Variants in MZB1 observed in about 807,000 individuals in gnomAD.
The protein encoded by MZB1 is marginal zone B and B1 cell specific protein.
A neutral mutation model predicts 17.2 loss-of-function variants in MZB1; 10 were observed. The observed-to-expected ratio is 0.58, with a 90% CI of 0.36 to 0.98. The LOEUF (loss-of-function observed/expected upper bound fraction) is 0.98, where lower values mean the gene tolerates loss of function less well. Ranked by LOEUF, MZB1 falls within the 50% of genes least tolerant of loss-of-function variation. MZB1 has a pLI of 0.01. For missense variants in MZB1, 246 were observed against 237.5 expected, an observed-to-expected ratio of 1.04 and a Z score of -0.23; for synonymous variants, 99 against 98.7, an observed-to-expected ratio of 1.00 and a Z score of -0.02.
chr5:139,387,928 G>C lies in MZB1; in HGVS notation c.414-7C>G, dbSNP rs769736199. 3 of 1,575,792 alleles carry C rather than the reference G, an allele frequency of 1.9e-6. No individual in the cohort carries two copies. The South Asian group carries it at 3.5e-5, about 19-fold the overall frequency. ...CAAACATGTCCTGGAGAGCCTAGGGGAGCCCAGCAGGAGCCTCAGATGCTG... is the reference window on the plus strand; with the variant it reads ...CAAACATGTCCTGGAGAGCCTAGGGCAGCCCAGCAGGAGCCTCAGATGCTG... On this transcript the variant is annotated splice_region_variant and splice_polypyrimidine_tract_variant and intron_variant, in intron 3 of 3. Coordinates refer to ENST00000302125, the MANE Select transcript of MZB1 (RefSeq NM_016459.4).
intron 1 of MZB1, 194 bp from the exon 2 acceptor site, chr5:139,388,779 G>T: frequency 1.1e-6 from 1 of 887,338 alleles, no homozygotes; most frequent in Non-Finnish European, 1.6e-6. Flanking sequence ...TGGGGGATGG[G>T]AAAGAAATGC....
At chr5:139,388,634 T>C (rs781560669) in intron 1 of MZB1, 49 bp from the exon 2 acceptor site, 2 of 1,591,154 alleles carry the variant, frequency 1.3e-6, no homozygotes, top group Non-Finnish European at 1.7e-6. Flanking sequence ...TGCTGCTCAG[T>C]TAGGGGGAGG....
In MZB1 at chr5:139,387,705, C is replaced by A. The variant is rs1044070973; in HGVS notation, c.*60G>T. The A allele has an allele frequency of 6.8e-7, 1 of 1,470,640 alleles. No individual in the cohort carries two copies. The highest frequency in any genetic ancestry group is 9.0e-7 in the Non-Finnish European group (1 of 1,113,482). 91.1% of individuals were successfully genotyped at this position (1,470,640 alleles called of 1,614,324 possible). A position where few individuals can be genotyped will look rare whatever the true frequency, so the allele number is the denominator to read the frequency against. On this transcript the variant is annotated 3_prime_UTR_variant, in exon 4 of 4. Coordinates refer to ENST00000302125, the MANE Select transcript of MZB1 (RefSeq NM_016459.4). Reference sequence around the variant, plus strand: ...TCCTGCCCTCCTGGCTGCCTGCAGACGGGAGTGGAGACCGTCAGAGCAAGC... The same window carrying A: ...TCCTGCCCTCCTGGCTGCCTGCAGAAGGGAGTGGAGACCGTCAGAGCAAGC...
chr5:139,389,605 A>C, intron 1 of MZB1, 75 bp downstream of exon 1: 1 of 1,491,594 alleles, frequency 6.7e-7, no homozygotes, highest in Non-Finnish European at 9.1e-7. Flanking sequence ...CCGGTGGTGG[A>C]ATGTGAGGTG....
chr5:139,389,516 TG>T, intron 1 of MZB1, 163 bp downstream of exon 1: 1 of 880,644 alleles, frequency 1.1e-6, no homozygotes, highest in East Asian at 2.6e-5. Context: ...GGCAGGCAGA[TG>T]GGTAAACTGA....
chr5:139,387,476 A>T lies in MZB1; in HGVS notation c.*289T>A. On this transcript the variant is annotated 3_prime_UTR_variant, in exon 4 of 4. Transcript: ENST00000302125. ...TCTCAAAAAAAAAAAATTGATTTTG[A>T]GAGTTTTTTTTTTTTTTTCACAAGG... 8.6e-6 allele frequency: 2 copies of T among 232,246 alleles called. No homozygotes were observed. Among genetic ancestry groups the T allele is most frequent in the Non-Finnish European group, 8.2e-6 (1 of 122,100 alleles). The allele number at this position is 232,246 out of a possible 1,614,324, so 14.4% of individuals were successfully genotyped here. A position where few individuals can be genotyped will look rare whatever the true frequency, so the allele number is the denominator to read the frequency against.
chr5:139,389,183 T>C (rs1275819448), intron 1 of MZB1: 2 of 304,260 alleles, frequency 6.6e-6, no homozygotes, highest in African/African-American at 2.2e-5. Flanking sequence ...GCACGTGCCA[T>C]TTTAAACCAC....
Position 139,389,730 on chromosome 5 carries a change from G to A in MZB1, c.127C>T (p.His43Tyr), listed in dbSNP as rs2152076113. The change falls in exon 1 of 4, where the codon CAC becomes TAC. Residue 43 changes from histidine (H) to tyrosine (Y), a missense_variant. His to Tyr is a moderately conservative substitution (Grantham distance 83). Transcript: ENST00000302125. Reference sequence around the variant, plus strand: ...TCACAGCGCAGGTGAGCGGGCATGTGGGCTGAGTACATCTCCTCATCATCC... The same window carrying A: ...TCACAGCGCAGGTGAGCGGGCATGTAGGCTGAGTACATCTCCTCATCATCC... ...QLDDEEMYSA[H>Y]MPAHLRCDAC... 2.5e-6 allele frequency: 4 copies of A among 1,576,314 alleles called. No homozygotes were observed. Among genetic ancestry groups the A allele is most frequent in the Non-Finnish European group, 3.4e-6 (4 of 1,161,446 alleles).
rs543866124 is a variant in MZB1, at chr5:139,387,671, G to A, written c.*94C>T. 14 of 1,439,056 alleles carry A rather than the reference G, an allele frequency of 9.7e-6. No individual in the cohort carries two copies. In the East Asian group the frequency reaches 3.3e-4, roughly 34 times the overall value. The allele number at this position is 1,439,056 out of a possible 1,614,324, so 89.1% of individuals were successfully genotyped here. ...GAGGGAGGCAGGATGGCAGCACAGAGCAAGGGCTTCCTGCCCTCCTGGCTG... is the reference window on the plus strand; with the variant it reads ...GAGGGAGGCAGGATGGCAGCACAGAACAAGGGCTTCCTGCCCTCCTGGCTG... On this transcript the variant is annotated 3_prime_UTR_variant, in exon 4 of 4. Coordinates refer to ENST00000302125, the MANE Select transcript of MZB1 (RefSeq NM_016459.4).
At position 139,387,937 on chromosome 5, in the gene MZB1, A is replaced by G; in HGVS notation, c.414-16T>C. 6.3e-7 allele frequency: 1 copy of G among 1,575,270 alleles called. No homozygotes were observed. The highest frequency in any genetic ancestry group is 1.2e-5 in the South Asian group (1 of 84,848). Reference sequence around the variant, plus strand: ...CCTGGAGAGCCTAGGGGAGCCCAGCAGGAGCCTCAGATGCTGCCCAGCCCA... The same window carrying G: ...CCTGGAGAGCCTAGGGGAGCCCAGCGGGAGCCTCAGATGCTGCCCAGCCCA... On this transcript the variant is annotated splice_polypyrimidine_tract_variant and intron_variant, in intron 3 of 3. Transcript: ENST00000302125.
chr5:139,389,550 G>C, intron 1 of MZB1, 130 bp downstream of exon 1: 1 of 1,101,500 alleles, frequency 9.1e-7, no homozygotes, highest in Non-Finnish European at 1.3e-6. Context: ...ATGAAAGGCT[G>C]CATCTGTGGC....
At chr5:139,389,275 C>A (rs1018866529) in intron 1 of MZB1, 1 of 380,618 alleles carries the variant, frequency 2.6e-6, no homozygotes, top group Admixed American at 3.4e-5. Context: ...GACACTGGCA[C>A]GCAGGCATGC....
intron 1 of MZB1, 133 bp from the exon 2 acceptor site, chr5:139,388,718 A>T: frequency 7.0e-7 from 1 of 1,420,970 alleles, no homozygotes. Context: ...AGCACCTGTG[A>T]GGCTGTTGCA....
Position 139,387,809 on chromosome 5 carries a change from C to T in MZB1, c.526G>A (p.Gly176Arg). The stretch of plus-strand genomic sequence containing the variant: ...GCTGACACCTTCTCTGAGCAGGCCC[C>T]CTGGGGTCCCCCACATAGCAATGCC... ...LEALLCGGPQ[G>R]ACSEKVSATR... is the part of the protein sequence containing the mutation. Residue 176 changes from glycine to arginine, a missense_variant, in exon 4 of 4, where the codon GGG becomes AGG. Physicochemically the swap from Gly to Arg is moderately radical, Grantham distance 125 (BLOSUM62 -2). Coordinates refer to ENST00000302125, the MANE Select transcript of MZB1 (RefSeq NM_016459.4). The T allele has an allele frequency of 6.3e-7, 1 of 1,582,064 alleles. No individual in the cohort carries two copies. The highest frequency in any genetic ancestry group is 8.6e-7 in the Non-Finnish European group (1 of 1,168,072).
Position 139,387,930 on chromosome 5 carries a change from GCC to G in MZB1, c.414-11_414-10del. 1.3e-6 allele frequency: 2 copies of G among 1,575,354 alleles called. No homozygotes were observed. Among genetic ancestry groups the G allele is most frequent in the Non-Finnish European group, 1.7e-6 (2 of 1,163,840 alleles). Reference sequence around the variant, plus strand: ...AACATGTCCTGGAGAGCCTAGGGGAGCCCAGCAGGAGCCTCAGATGCTGCCCA... The same window carrying G: ...AACATGTCCTGGAGAGCCTAGGGGAGCAGCAGGAGCCTCAGATGCTGCCCA... On this transcript the variant is annotated splice_polypyrimidine_tract_variant and intron_variant, in intron 3 of 3. Transcript: ENST00000302125.
chr5:139,389,334 C>A lies in MZB1; in HGVS notation c.177+346G>T, dbSNP rs117072954. On this transcript the variant is annotated intron_variant, in intron 1 of 3. Transcript: ENST00000302125. ...AGACACACGCATACTCACGTGCAGG[C>A]GCTCACACGTGTGCACTTGCACCAT... 7.3e-4 allele frequency: 377 copies of A among 518,336 alleles called. 6 individuals are homozygous for A. In the East Asian group the frequency reaches 0.018, roughly 24 times the overall value. 32.1% of individuals were successfully genotyped at this position (518,336 alleles called of 1,614,324 possible).
At chr5:139,387,996 C>T (rs775948623) in intron 3 of MZB1, 25 bp downstream of exon 3, 19 of 1,571,006 alleles carry the variant, frequency 1.2e-5, no homozygotes, top group Non-Finnish European at 1.5e-5. Flanking sequence ...GGAGCTTCAT[C>T]CTATCCCCAA....
Position 139,387,931 on chromosome 5 carries a change from C to A in MZB1, c.414-10G>T. 6.4e-7 allele frequency: 1 copy of A among 1,574,796 alleles called. No individual in the cohort carries two copies. Among genetic ancestry groups the A allele is most frequent in the South Asian group, 1.2e-5 (1 of 84,562 alleles). The stretch of plus-strand genomic sequence containing the variant: ...ACATGTCCTGGAGAGCCTAGGGGAG[C>A]CCAGCAGGAGCCTCAGATGCTGCCC... On this transcript the variant is annotated splice_polypyrimidine_tract_variant and intron_variant, in intron 3 of 3. Transcript: ENST00000302125.
Position 139,388,149 on chromosome 5 carries a change from GA to G in MZB1, c.303-19del. 1 of 1,547,580 alleles carries G rather than the reference GA, an allele frequency of 6.5e-7. No individual in the cohort carries two copies. The highest frequency in any genetic ancestry group is 8.7e-7 in the Non-Finnish European group (1 of 1,145,178). ...CTCCGTAGCTGGTGGCAGTGGAGAG[GA>G]GAGGAGTACAGTTTTGGCAGGAGCC... On this transcript the variant is annotated intron_variant, in intron 2 of 3. Coordinates refer to ENST00000302125, the MANE Select transcript of MZB1 (RefSeq NM_016459.4).
Sources: allele counts gnomAD v4.1 joint callset, GRCh38; gene constraint gnomAD v4.1.1; transcripts MANE v1.5; gene names NCBI Gene and HGNC (gene_info 2026-07-23, HGNC 2026-07-21).